Variants in EXOC4 observed in about 807,000 individuals in gnomAD.
EXOC4 encodes SEC8-like 1.
A neutral mutation model predicts 107.2 loss-of-function variants in EXOC4; 71 were observed. The ratio of observed to expected loss-of-function variants is 0.66; its 90% CI spans 0.55 to 0.81. EXOC4 has a LOEUF of 0.81. Ranked by LOEUF, EXOC4 falls within the 30% of genes least tolerant of loss-of-function variation. The pLI is 0.00. For missense variants in EXOC4, 1,108 were observed against 1,189.6 expected, an observed-to-expected ratio of 0.93 and a Z score of 1.01; for synonymous variants, 456 against 441.2, an observed-to-expected ratio of 1.03 and a Z score of -0.42.
Position 133,382,709 on chromosome 7 carries a change from G to A in EXOC4, c.1182+7707G>A, listed in dbSNP as rs559128137. Among the ~76,000 whole-genome samples, 50 of 152,272 alleles carry A rather than the reference G, an allele frequency of 3.3e-4. No individual in the cohort carries two copies. The Middle Eastern group carries it at 0.017, about 52-fold the overall frequency. ...TTCAAATTTCTGTATTTCTTTGAAT[G>A]GAAAACATTTCCTGCTGAAAAGTTG... On this transcript the variant is annotated intron_variant, in intron 7 of 17. Transcript: ENST00000253861.
chr7:133,530,086 C>T (rs1800152900), intron 9 of EXOC4, among the ~76,000 whole-genome samples: 1 of 152,144 alleles, frequency 6.6e-6, no homozygotes. Flanking sequence ...AAGTGTACAG[C>T]TGGGGCTAGA....
intron 10 of EXOC4, among the ~76,000 whole-genome samples, chr7:133,729,451 G>A (rs1348354876): frequency 1.3e-5 from 2 of 152,010 alleles, no homozygotes; most frequent in Non-Finnish European, 2.9e-5. Context: ...TGCTTTTTGA[G>A]GGCACTGGGG....
In EXOC4 at chr7:133,253,121, G is replaced by C; in HGVS notation, c.20G>C (p.Gly7Ala). 6.2e-7 allele frequency: 1 copy of C among 1,614,178 alleles called. No homozygotes were observed. Among genetic ancestry groups the C allele is most frequent in the Non-Finnish European group, 8.5e-7 (1 of 1,180,008 alleles). Residue 7 changes from glycine to alanine, a missense_variant, in exon 1 of 18, where the codon GGT becomes GCT. Transcript: ENST00000253861. ...TCCAAGATGGCGGCAGAAGCAGCTG[G>C]TGGGAAATACAGAAGCACAGTCAGC... MAAEAA[G>A]GKYRSTVSKS...
chr7:133,797,210 G>A (rs1796835673), intron 10 of EXOC4, among the ~76,000 whole-genome samples: 2 of 152,118 alleles, frequency 1.3e-5, no homozygotes, highest in African/African-American at 4.8e-5. Flanking sequence ...TAAAGATGGG[G>A]CCCATTTATA....
intron 3 of EXOC4, among the ~76,000 whole-genome samples, chr7:133,289,534 T>G (rs1794358091): frequency 6.6e-6 from 1 of 152,234 alleles, no homozygotes; most frequent in African/African-American, 2.4e-5. Context: ...TTCTTTTCCT[T>G]GAAATTGATA....
intron 11 of EXOC4, among the ~76,000 whole-genome samples, chr7:133,846,625 C>T (rs1048275309): frequency 3.3e-5 from 5 of 152,194 alleles, no homozygotes; most frequent in Non-Finnish European, 5.9e-5. Context: ...AATGCAGGGA[C>T]CAACAATCTT....
intron 12 of EXOC4, among the ~76,000 whole-genome samples, chr7:133,911,728 A>G (rs868268495): frequency 3.3e-5 from 5 of 152,332 alleles, no homozygotes; most frequent in South Asian, 2.1e-4. Flanking sequence ...TCTCACACCT[A>G]CAGATCCAAC....
At chr7:134,038,422 C>T (rs998492676) in intron 17 of EXOC4, among the ~76,000 whole-genome samples, 1 of 152,170 alleles carries the variant, frequency 6.6e-6, no homozygotes, top group African/African-American at 2.4e-5. Flanking sequence ...TTATGTTCTT[C>T]GGGAACCACT....
At chr7:133,382,398 T>A (rs147972986) in intron 7 of EXOC4, among the ~76,000 whole-genome samples, 1 of 152,056 alleles carries the variant, frequency 6.6e-6, no homozygotes, top group Non-Finnish European at 1.5e-5. Flanking sequence ...TACTGGGGAA[T>A]AGAAAAAAAT....
chr7:133,946,589 T>C (rs542489969), intron 14 of EXOC4, among the ~76,000 whole-genome samples: 3 of 152,354 alleles, frequency 2.0e-5, no homozygotes, highest in Non-Finnish European at 2.9e-5. Context: ...TTGAAACTTA[T>C]CATAATGAAG....
At chr7:133,916,635 AT>A (rs1383916231) in intron 12 of EXOC4, among the ~76,000 whole-genome samples, 1 of 152,128 alleles carries the variant, frequency 6.6e-6, no homozygotes, top group Non-Finnish European at 1.5e-5. Flanking sequence ...TCATACATAC[AT>A]GCCATATATA....
chr7:133,958,336 G>A (rs961839690), intron 14 of EXOC4, among the ~76,000 whole-genome samples: 16 of 151,476 alleles, frequency 1.1e-4, no homozygotes, highest in Non-Finnish European at 2.1e-4. Context: ...GTACTGGGAC[G>A]TTCCTCTCTA....
intron 13 of EXOC4, among the ~76,000 whole-genome samples, chr7:133,925,823 G>A (rs1330967966): frequency 2.0e-5 from 3 of 151,952 alleles, no homozygotes; most frequent in Admixed American, 2.0e-4. Flanking sequence ...GGATCACAAG[G>A]TCAGGAGTTC....
chr7:133,373,563 A>G (rs1796422674), intron 6 of EXOC4, among the ~76,000 whole-genome samples: 1 of 152,192 alleles, frequency 6.6e-6, no homozygotes, highest in South Asian at 2.1e-4. Context: ...ATAGGAATAG[A>G]TAATATGTTG....
chr7:133,793,006 G>A (rs535740135), intron 10 of EXOC4, among the ~76,000 whole-genome samples: 1 of 152,116 alleles, frequency 6.6e-6, no homozygotes, highest in Non-Finnish European at 1.5e-5. Context: ...GAAGATGCAC[G>A]TGGACAATCA....
intron 7 of EXOC4, among the ~76,000 whole-genome samples, chr7:133,378,206 G>A (rs576629016): frequency 3.2e-4 from 48 of 151,424 alleles, no homozygotes; most frequent in Non-Finnish European, 5.4e-4. Context: ...AGCTACTCCG[G>A]AAGCTGAGGC....
chr7:133,785,682 GT>G (rs1480535036), intron 10 of EXOC4, among the ~76,000 whole-genome samples: 3 of 37,344 alleles, frequency 8.0e-5, no homozygotes, highest in Non-Finnish European at 1.1e-4. Context: ...TTTTGTTTTT[GT>G]TTTTTTTGAG....
At chr7:133,443,984 C>G (rs574662060) in intron 7 of EXOC4, among the ~76,000 whole-genome samples, 17 of 152,280 alleles carry the variant, frequency 1.1e-4, no homozygotes, top group African/African-American at 3.6e-4. Flanking sequence ...CTATGTAGTT[C>G]AGGGAATTAG....
chr7:133,372,480 G>C (rs1270080774), intron 6 of EXOC4, among the ~76,000 whole-genome samples: 4 of 152,150 alleles, frequency 2.6e-5, no homozygotes, highest in African/African-American at 9.7e-5. Context: ...TTTATTAAGA[G>C]ATTGCTATTT....
Sources: allele counts gnomAD v4.1 joint callset (sites outside exome capture counted in the v4.1 genomes callset), GRCh38; gene constraint gnomAD v4.1.1; transcripts MANE v1.5; gene names NCBI Gene and HGNC (gene_info 2026-07-23, HGNC 2026-07-21).